BAIAP2L1: variants seen among roughly 807,000 people sequenced by gnomAD.
BAIAP2L1 encodes the protein BAR/IMD domain-containing adapter protein 2-like 1.
BAIAP2L1 carries 35 observed loss-of-function variants against 66.3 expected under a neutral mutation model. The observed-to-expected ratio is 0.53, with a 90% confidence interval of 0.40 to 0.70. The LOEUF is 0.70. BAIAP2L1 is among the 30% of genes least tolerant of loss of function. The pLI is 0.00. For synonymous variants in BAIAP2L1, 269 were observed against 248.7 expected, an observed-to-expected ratio of 1.08 and a Z score of -0.77; for missense variants, 622 against 656.9, an observed-to-expected ratio of 0.95 and a Z score of 0.58.
intron 1 of BAIAP2L1, among the ~76,000 whole-genome samples, chr7:98,376,652 C>T (rs1276332372): frequency 1.4e-4 from 10 of 72,530 alleles, no homozygotes; most frequent in East Asian, 3.5e-4. Flanking sequence ...GAAACCCCAT[C>T]TTTACAAAAA....
chr7:98,355,522 C>A (rs144524933), intron 2 of BAIAP2L1: 3,642 of 168,032 alleles, frequency 0.022, 138 homozygotes, highest in African/African-American at 0.082. Context: ...GAGTTTGAGA[C>A]CAGCCTGGGC....
In BAIAP2L1 at chr7:98,317,422, T is replaced by C. The variant is rs1801108457; in HGVS notation, c.349-66A>G. ...CACGAATTGTCACACAGTTTGCCTTTACTCACACTTCCACTGTGTGTGGCT... is the reference window on the plus strand; with the variant it reads ...CACGAATTGTCACACAGTTTGCCTTCACTCACACTTCCACTGTGTGTGGCT... On this transcript the variant is annotated intron_variant, in intron 5 of 13. Coordinates refer to ENST00000005260, the MANE Select transcript of BAIAP2L1 (RefSeq NM_018842.5). 2.4e-5 allele frequency: 38 copies of C among 1,585,806 alleles called. 1 individual carries two copies. The South Asian group carries it at 4.1e-4, about 17-fold the overall frequency.
chr7:98,377,839 A>AG (rs1802669367), intron 1 of BAIAP2L1, among the ~76,000 whole-genome samples: 1 of 146,168 alleles, frequency 6.8e-6, no homozygotes, highest in African/African-American at 2.5e-5. Flanking sequence ...AAAAAAAAAA[A>AG]AAAAAAGGCC....
chr7:98,370,372 CAAAA>C (rs397890051), intron 1 of BAIAP2L1, among the ~76,000 whole-genome samples: 5 of 103,368 alleles, frequency 4.8e-5, no homozygotes, highest in East Asian at 2.9e-4. Flanking sequence ...GGCTCCGTCT[CAAAA>C]AAAAAAAAAA....
At chr7:98,395,274 C>T (rs1803173535) in intron 1 of BAIAP2L1, among the ~76,000 whole-genome samples, 2 of 151,914 alleles carry the variant, frequency 1.3e-5, no homozygotes, top group African/African-American at 4.8e-5. Context: ...CCGATCTCTA[C>T]TAAAAAATAC....
chr7:98,371,398 A>C (rs1002731868), intron 1 of BAIAP2L1, among the ~76,000 whole-genome samples: 8 of 152,194 alleles, frequency 5.3e-5, no homozygotes, highest in African/African-American at 1.9e-4. Flanking sequence ...GCATAAAAAG[A>C]AGCTTGGTTC....
chr7:98,294,017 A>T (rs373700529), intron 13 of BAIAP2L1, 57 bp downstream of exon 13: 157 of 1,576,904 alleles, frequency 1.0e-4, no homozygotes, highest in Non-Finnish European at 1.3e-4. Context: ...CTTCCGGGGG[A>T]CACTACAGGG....
chr7:98,379,946 T>C (rs1486166888), intron 1 of BAIAP2L1, among the ~76,000 whole-genome samples: 3 of 152,230 alleles, frequency 2.0e-5, no homozygotes, highest in Admixed American at 1.3e-4. Flanking sequence ...AAGGATCTTT[T>C]TGAGGTGACA....
At chr7:98,306,153 G>A (rs1351479814) in intron 11 of BAIAP2L1, among the ~76,000 whole-genome samples, 2 of 152,204 alleles carry the variant, frequency 1.3e-5, no homozygotes, top group Non-Finnish European at 2.9e-5. Flanking sequence ...AAAACACATG[G>A]CTTGGGTTTA....
intron 11 of BAIAP2L1, among the ~76,000 whole-genome samples, chr7:98,305,522 C>T (rs1416321325): frequency 1.3e-5 from 2 of 151,668 alleles, no homozygotes. Flanking sequence ...CTGTGAACTT[C>T]GATCCTCCCG....
intron 3 of BAIAP2L1, chr7:98,323,376 T>C (rs1282279327): frequency 4.6e-5 from 7 of 152,192 alleles, no homozygotes; most frequent in Non-Finnish European, 8.8e-5. Flanking sequence ...GACACTCTAT[T>C]CTTGGCAAAG....
At chr7:98,382,175 G>A (rs1025091640) in intron 1 of BAIAP2L1, among the ~76,000 whole-genome samples, 3 of 152,058 alleles carry the variant, frequency 2.0e-5, no homozygotes, top group Non-Finnish European at 4.4e-5. Context: ...GCCTGCCTCA[G>A]CCTCCCAAAG....
intron 3 of BAIAP2L1, among the ~76,000 whole-genome samples, chr7:98,336,682 G>A (rs887633965): frequency 6.6e-6 from 1 of 152,236 alleles, no homozygotes; most frequent in Non-Finnish European, 1.5e-5. Context: ...TCCAGTTTTT[G>A]AAGACTGCTT....
chr7:98,301,477 A>G (rs1294432259), intron 12 of BAIAP2L1, among the ~76,000 whole-genome samples: 1 of 146,840 alleles, frequency 6.8e-6, no homozygotes, highest in East Asian at 2.0e-4. Flanking sequence ...TTTTTTTGGT[A>G]TATATATATA....
At chr7:98,359,925 A>T (rs1333098265) in intron 2 of BAIAP2L1, among the ~76,000 whole-genome samples, 1 of 141,158 alleles carries the variant, frequency 7.1e-6, no homozygotes, top group Admixed American at 7.1e-5. Flanking sequence ...TGCCCAGCTA[A>T]TTTTTTTTTT....
chr7:98,298,480 G>A (rs1800282283), intron 12 of BAIAP2L1, among the ~76,000 whole-genome samples: 1 of 151,962 alleles, frequency 6.6e-6, no homozygotes, highest in Admixed American at 6.5e-5. Context: ...AGGCGTAGTG[G>A]CGGGCGCCTG....
chr7:98,353,892 G>C (rs1192086201), intron 3 of BAIAP2L1, among the ~76,000 whole-genome samples: 2 of 150,810 alleles, frequency 1.3e-5, no homozygotes, highest in African/African-American at 4.9e-5. Flanking sequence ...AACCTGGGCA[G>C]CAGAGGTTGC....
chr7:98,378,291 G>T (rs1335806769), intron 1 of BAIAP2L1, among the ~76,000 whole-genome samples: 2 of 152,146 alleles, frequency 1.3e-5, no homozygotes, highest in African/African-American at 4.8e-5. Flanking sequence ...GTGTGTTTTA[G>T]CCTCAGTTCT....
intron 2 of BAIAP2L1, 187 bp from the exon 3 acceptor site, chr7:98,355,315 G>A (rs1584480307): frequency 1.7e-6 from 1 of 600,466 alleles, no homozygotes; most frequent in East Asian, 2.8e-5. Flanking sequence ...TCCAGCCAAG[G>A]GACAGCCCCA....
Sources: gnomAD v4.1 joint callset for allele counts (sites outside exome capture counted in the v4.1 genomes callset) on GRCh38, gnomAD v4.1.1 for gene constraint, MANE v1.5 for transcripts, NCBI Gene and HGNC (gene_info 2026-07-23, HGNC 2026-07-21) for gene names.